The following RIN2 variants were observed in gnomAD, a reference collection of about 807,000 sequenced individuals.
The protein encoded by RIN2 is RAB5 interacting protein 2.
In RIN2, 36 loss-of-function variants were observed where a neutral mutation model predicts 78.0. The observed-to-expected ratio is 0.46, with a 90% CI of 0.35 to 0.61. RIN2 has a LOEUF of 0.61. Among genes scored for constraint, RIN2 ranks in the 20% least tolerant of loss-of-function variants. The probability of loss-of-function intolerance (pLI) is 0.00; values close to 1 mark genes in which losing one functional copy is unlikely to be tolerated. For missense variants in RIN2, 1,087 were observed against 1,159.7 expected (o/e 0.94, Z 0.91); for synonymous variants, 466 against 466.8 (o/e 1.00, Z 0.02).
intron 1 of RIN2, among the ~76,000 whole-genome samples, chr20:19,774,520 T>C (rs941091117): frequency 6.6e-6 from 1 of 152,226 alleles, no homozygotes; most frequent in African/African-American, 2.4e-5. Context: ...GAGTCTCTCT[T>C]GTCCTCTGCC....
At chr20:19,958,576 A>G (rs900954543) in intron 5 of RIN2, among the ~76,000 whole-genome samples, 5 of 152,202 alleles carry the variant, frequency 3.3e-5, no homozygotes, top group Admixed American at 1.3e-4. Flanking sequence ...GTCAAGAATA[A>G]CGAAGGGAGA....
Position 19,884,567 on chromosome 20 carries a change from T to A in RIN2, c.-36-4999T>A, listed in dbSNP as rs572539028. 1.1e-4 allele frequency among the ~76,000 whole-genome samples: 16 copies of A among 151,066 alleles called. No individual in the cohort carries two copies. The East Asian group carries it at 2.9e-3, about 27-fold the overall frequency. Reference sequence around the variant, plus strand: ...GTTTTCATGACCTTCAAACTTAAAATTTTTTTTTAAAATGACTGTTGGGTG... The same window carrying A: ...GTTTTCATGACCTTCAAACTTAAAAATTTTTTTTAAAATGACTGTTGGGTG... On this transcript the variant is annotated intron_variant, in intron 2 of 12. Coordinates refer to ENST00000255006, the MANE Select transcript of RIN2 (RefSeq NM_018993.4).
intron 1 of RIN2, among the ~76,000 whole-genome samples, chr20:19,765,024 A>T (rs2033825628): frequency 7.1e-6 from 1 of 141,118 alleles, no homozygotes; most frequent in Non-Finnish European, 1.5e-5. Flanking sequence ...ACCAGGTTGT[A>T]CTTTTAGTAG....
At chr20:19,899,345 G>A (rs951248832) in intron 3 of RIN2, among the ~76,000 whole-genome samples, 12 of 152,154 alleles carry the variant, frequency 7.9e-5, no homozygotes, top group Non-Finnish European at 1.3e-4. Context: ...CCAGTGGTCC[G>A]AGGTGAATTG....
intron 2 of RIN2, among the ~76,000 whole-genome samples, chr20:19,802,525 T>G (rs1423108000): frequency 1.3e-5 from 2 of 151,632 alleles, no homozygotes; most frequent in African/African-American, 4.8e-5. Flanking sequence ...CCTCCCTCCC[T>G]TCCCCTTGCC....
chr20:19,934,354 G>A (rs776666651), intron 3 of RIN2: 16 of 379,058 alleles, frequency 4.2e-5, no homozygotes, highest in African/African-American at 6.6e-5. Flanking sequence ...CCTAGTACGC[G>A]CCAGGAAAGA....
chr20:19,889,652 C>T lies in RIN2; in HGVS notation c.51C>T (p.Phe17=). 1 of 1,511,734 alleles carries T rather than the reference C, an allele frequency of 6.6e-7. No homozygotes were observed. Among genetic ancestry groups the T allele is most frequent in the Non-Finnish European group, 8.9e-7 (1 of 1,124,880 alleles). 93.6% of individuals were successfully genotyped at this position (1,511,734 alleles called of 1,614,324 possible). Residue 17 remains phenylalanine, a synonymous_variant, in exon 3 of 13, where the codon TTC becomes TTT. Coordinates refer to ENST00000255006, the MANE Select transcript of RIN2 (RefSeq NM_018993.4). ...GCGGTCTGGACAAGCGAGGAAGTTT[C>T]TTTAAGGTAAAAGGAAGCCTTGATT... is the stretch of plus-strand genomic sequence containing the variant. ...GARGLDKRGS[F]FKLIDTIASE... is the part of the protein sequence containing the mutation.
chr20:19,845,503 TC>T (rs1568808660), intron 2 of RIN2, among the ~76,000 whole-genome samples: 2 of 152,212 alleles, frequency 1.3e-5, no homozygotes, highest in Non-Finnish European at 2.9e-5. Context: ...AGCTTTTTTT[TC>T]ATATGTTTGT....
At chr20:19,958,714 C>T (rs1463551635) in intron 5 of RIN2, among the ~76,000 whole-genome samples, 1 of 152,176 alleles carries the variant, frequency 6.6e-6, no homozygotes, top group Non-Finnish European at 1.5e-5. Context: ...ACTAAAAATA[C>T]ACAAGTTAGC....
chr20:19,918,545 T>A (rs560330792), intron 3 of RIN2, among the ~76,000 whole-genome samples: 1 of 152,328 alleles, frequency 6.6e-6, no homozygotes, highest in Admixed American at 6.5e-5. Context: ...TATCTACCTT[T>A]GAAGGTTAGA....
At chr20:19,853,660 T>C (rs2123210270) in intron 2 of RIN2, among the ~76,000 whole-genome samples, 1 of 152,388 alleles carries the variant, frequency 6.6e-6, no homozygotes, top group Non-Finnish European at 1.5e-5. Context: ...TTCATGTGTC[T>C]GTTGGCTGCA....
intron 4 of RIN2, among the ~76,000 whole-genome samples, chr20:19,939,705 G>T (rs753957298): frequency 3.9e-5 from 6 of 151,988 alleles, no homozygotes; most frequent in African/African-American, 7.3e-5. Context: ...TTGTACTTGC[G>T]GTTCCTTCTG....
intron 3 of RIN2, among the ~76,000 whole-genome samples, chr20:19,903,724 A>T (rs2039090141): frequency 6.6e-6 from 1 of 152,236 alleles, no homozygotes; most frequent in Non-Finnish European, 1.5e-5. Context: ...GATGTTGAGA[A>T]ATCCTGGTCT....
intron 2 of RIN2, among the ~76,000 whole-genome samples, chr20:19,808,736 C>T (rs774270878): frequency 1.3e-5 from 2 of 152,210 alleles, no homozygotes; most frequent in Admixed American, 6.5e-5. Context: ...CTGCTCGCCA[C>T]GCAATATCTA....
intron 1 of RIN2, among the ~76,000 whole-genome samples, chr20:19,798,533 T>C (rs1172183296): frequency 6.6e-6 from 1 of 151,828 alleles, no homozygotes; most frequent in Admixed American, 6.6e-5. Context: ...CTTATACCGA[T>C]GTTGGGAGTT....
At chr20:19,869,628 G>GTT (rs35058562) in intron 2 of RIN2, among the ~76,000 whole-genome samples, 2 of 143,306 alleles carry the variant, frequency 1.4e-5, no homozygotes, top group African/African-American at 5.1e-5. Flanking sequence ...TTGTTCTTGG[G>GTT]TTTTTTTTTT....
intron 1 of RIN2, among the ~76,000 whole-genome samples, chr20:19,759,906 T>C (rs980959127): frequency 6.6e-6 from 1 of 152,290 alleles, no homozygotes; most frequent in South Asian, 2.1e-4. Flanking sequence ...AACAGTCATA[T>C]CCAGTCTCCC....
chr20:19,909,996 C>T (rs407633), intron 3 of RIN2, among the ~76,000 whole-genome samples: 41,090 of 152,060 alleles, frequency 0.27, 6,890 homozygotes, highest in East Asian at 0.54. Context: ...TGTCCATCAA[C>T]GCAGATTTTG....
chr20:19,912,996 G>A (rs780035898), intron 3 of RIN2, among the ~76,000 whole-genome samples: 4 of 152,200 alleles, frequency 2.6e-5, no homozygotes, highest in Non-Finnish European at 5.9e-5. Flanking sequence ...AGTGCTGCGA[G>A]GTCCTCTTCA....
Sources: allele counts gnomAD v4.1 joint callset (sites outside exome capture counted in the v4.1 genomes callset), GRCh38; gene constraint gnomAD v4.1.1; transcripts MANE v1.5; gene names NCBI Gene and HGNC (gene_info 2026-07-23, HGNC 2026-07-21).